Variants in ADGRV1 observed in about 807,000 individuals in gnomAD.
The protein encoded by ADGRV1 is adhesion G protein-coupled receptor V1.
ADGRV1 carries 359 observed loss-of-function variants against 596.2 expected under a neutral mutation model. That is an observed-to-expected ratio of 0.60 (90% CI 0.55 to 0.66). The LOEUF (loss-of-function observed/expected upper bound fraction) is 0.66. ADGRV1 is among the 30% of genes least tolerant of loss of function. The pLI is 0.00. For synonymous variants in ADGRV1, 2,681 were observed against 2,679.2 expected, an observed-to-expected ratio of 1.00 and a Z score of -0.02; for missense variants, 7,274 against 7,575.6, an observed-to-expected ratio of 0.96 and a Z score of 1.48.
chr5:90,575,249 T>C (rs1449846332), intron 1 of ADGRV1, among the ~76,000 whole-genome samples: 1 of 152,014 alleles, frequency 6.6e-6, no homozygotes, highest in Non-Finnish European at 1.5e-5. Context: ...TATTTTATTT[T>C]GTGTTATGTT....
chr5:90,810,090 G>T, intron 73 of ADGRV1, 143 bp from the exon 74 acceptor site: 1 of 674,512 alleles, frequency 1.5e-6, no homozygotes, highest in Non-Finnish European at 2.4e-6. Context: ...AATAAATAGG[G>T]TTTGATGGAA....
chr5:90,686,640 G>A (rs578247705), intron 29 of ADGRV1, among the ~76,000 whole-genome samples: 3 of 152,244 alleles, frequency 2.0e-5, no homozygotes, highest in African/African-American at 7.2e-5. Flanking sequence ...TTGGTTCCAA[G>A]CCTTTGCTAT....
intron 58 of ADGRV1, 92 bp from the exon 59 acceptor site, chr5:90,763,213 C>A: frequency 9.3e-7 from 1 of 1,074,538 alleles, no homozygotes; most frequent in Non-Finnish European, 1.3e-6. Flanking sequence ...TATAAAACTG[C>A]AGTCATTGTA....
At position 90,954,169 on chromosome 5, in the gene ADGRV1, C is replaced by CTTTT. The variant is rs70973717; in HGVS notation, c.17857-11232_17857-11229dup. On this transcript the variant is annotated intron_variant, in intron 83 of 89. Transcript: ENST00000405460. Reference sequence around the variant, plus strand: ...TATTGGGCTGCTTTTCCCAGCCTTGCTTTTTTTTTTTTTTTTTAACATCCT... The same window carrying CTTTT: ...TATTGGGCTGCTTTTCCCAGCCTTGCTTTTTTTTTTTTTTTTTTTTTAACATCCT... 1.1e-3 allele frequency among the ~76,000 whole-genome samples: 146 copies of CTTTT among 138,408 alleles called. 1 individual carries two copies. The highest frequency in any genetic ancestry group is 7.5e-3 in the Middle Eastern group (2 of 266). 90.8% of individuals were successfully genotyped at this position (138,408 alleles called of 152,430 possible).
At chr5:90,674,384 T>A in intron 23 of ADGRV1, 150 bp downstream of exon 23, 2 of 447,490 alleles carry the variant, frequency 4.5e-6, no homozygotes, top group Non-Finnish European at 7.8e-6. Context: ...ATGCTACTGT[T>A]TTGAGAGACA....
At chr5:91,001,038 G>A (rs545668558) in intron 85 of ADGRV1, among the ~76,000 whole-genome samples, 1 of 152,148 alleles carries the variant, frequency 6.6e-6, no homozygotes, top group East Asian at 1.9e-4. Context: ...CCAGAATAAT[G>A]TTTGACCAAA....
At chr5:90,730,264 G>C (rs1360192326) in intron 50 of ADGRV1, among the ~76,000 whole-genome samples, 1 of 152,044 alleles carries the variant, frequency 6.6e-6, no homozygotes, top group Non-Finnish European at 1.5e-5. Context: ...TCCTTTTGCA[G>C]ATTAATACTT....
chr5:90,752,434 G>T (rs1487707709), intron 53 of ADGRV1, among the ~76,000 whole-genome samples: 1 of 152,032 alleles, frequency 6.6e-6, no homozygotes, highest in Non-Finnish European at 1.5e-5. Flanking sequence ...TATTTTTCCT[G>T]ATCCTCTCCC....
chr5:90,704,148 A>G (rs1467655940), intron 35 of ADGRV1, among the ~76,000 whole-genome samples: 1 of 152,146 alleles, frequency 6.6e-6, no homozygotes, highest in Non-Finnish European at 1.5e-5. Context: ...TACATTGCTC[A>G]ATAAATAAGA....
chr5:90,837,587 CTTGAGCTCCTGACCTCAA>C (rs942898951), intron 77 of ADGRV1, among the ~76,000 whole-genome samples: 2 of 152,212 alleles, frequency 1.3e-5, no homozygotes, highest in African/African-American at 4.8e-5. Context: ...CCAGGCTGGT[CTTGAGCTCCTGACCTCAA>C]GTGATCCACC....
intron 87 of ADGRV1, among the ~76,000 whole-genome samples, chr5:91,132,737 A>C (rs1334111774): frequency 6.6e-6 from 1 of 152,216 alleles, no homozygotes; most frequent in Non-Finnish European, 1.5e-5. Flanking sequence ...GTTCCAGCCA[A>C]AGGGAGCAGC....
intron 43 of ADGRV1, among the ~76,000 whole-genome samples, chr5:90,718,654 C>T (rs1750476584): frequency 6.6e-6 from 1 of 151,364 alleles, no homozygotes. Context: ...AATTTAAAAC[C>T]TTAATTGGTT....
At chr5:91,097,325 C>G (rs571654175) in intron 86 of ADGRV1, among the ~76,000 whole-genome samples, 34 of 152,336 alleles carry the variant, frequency 2.2e-4, no homozygotes, top group African/African-American at 8.2e-4. Flanking sequence ...CTCTCACAAC[C>G]TAATCACCTC....
chr5:91,048,450 C>T (rs1487484979), intron 85 of ADGRV1, among the ~76,000 whole-genome samples: 1 of 152,178 alleles, frequency 6.6e-6, no homozygotes, highest in African/African-American at 2.4e-5. Flanking sequence ...AGTAGCAAGC[C>T]AGCCTCTCTC....
chr5:91,072,444 C>T lies in ADGRV1; in HGVS notation c.18153-3C>T, dbSNP rs756239531. Reference sequence around the variant, plus strand: ...GAGTTACTTCTTCTCATTTCTCTTCCAGGTGTTTTATTCCAAACGTCTATG... The same window carrying T: ...GAGTTACTTCTTCTCATTTCTCTTCTAGGTGTTTTATTCCAAACGTCTATG... On this transcript the variant is annotated splice_region_variant and splice_polypyrimidine_tract_variant and intron_variant, in intron 85 of 89. Transcript: ENST00000405460. 1 of 1,612,708 alleles carries T rather than the reference C, an allele frequency of 6.2e-7. No individual in the cohort carries two copies. The highest frequency in any genetic ancestry group is 1.7e-5 in the Admixed American group (1 of 59,986).
intron 83 of ADGRV1, among the ~76,000 whole-genome samples, chr5:90,950,083 T>C (rs1776930813): frequency 6.6e-6 from 1 of 152,216 alleles, no homozygotes; most frequent in Non-Finnish European, 1.5e-5. Context: ...GTGGTACCCA[T>C]TTCAATGAAA....
At position 91,106,983 on chromosome 5, in the gene ADGRV1, G is replaced by A. The variant is rs186368312; in HGVS notation, c.18432+4643G>A. Among the ~76,000 whole-genome samples, 260 of 152,292 alleles carry A rather than the reference G, an allele frequency of 1.7e-3. 6 individuals are homozygous for A. Among genetic ancestry groups the A allele is most frequent in the African/African-American group, 6.1e-3 (252 of 41,568 alleles). On this transcript the variant is annotated intron_variant, in intron 87 of 89. Transcript: ENST00000405460. The stretch of plus-strand genomic sequence containing the variant: ...GCTAGTGTAGCAGAGAAGTTAAATA[G>A]GATGAGAACTGAGGAGCAATGCGGT...
intron 86 of ADGRV1, among the ~76,000 whole-genome samples, chr5:91,086,756 C>T (rs2126546509): frequency 6.6e-6 from 1 of 152,298 alleles, no homozygotes; most frequent in South Asian, 2.1e-4. Context: ...ATTACTGAGA[C>T]CACAGCAATC....
At chr5:91,007,014 A>G (rs796695625) in intron 85 of ADGRV1, among the ~76,000 whole-genome samples, 33 of 152,348 alleles carry the variant, frequency 2.2e-4, no homozygotes, top group African/African-American at 7.7e-4. Flanking sequence ...ATCTCATCTG[A>G]ACTTCCCCTT....
Sources: gnomAD v4.1 joint callset for allele counts (sites outside exome capture counted in the v4.1 genomes callset) on GRCh38, gnomAD v4.1.1 for gene constraint, MANE v1.5 for transcripts, NCBI Gene and HGNC (gene_info 2026-07-23, HGNC 2026-07-21) for gene names.